NFE2L3: variants seen among roughly 807,000 people sequenced by gnomAD.
NFE2L3 encodes nuclear factor erythroid 2-related factor 3.
Under a neutral mutation model 23.5 loss-of-function variants are expected in NFE2L3, and 18 were observed. The ratio of observed to expected loss-of-function variants is 0.77; its 90% CI spans 0.53 to 1.13. NFE2L3 has a LOEUF of 1.13. Among genes scored for constraint, NFE2L3 ranks in the 50% most tolerant of loss-of-function variants. The pLI, the probability that NFE2L3 is intolerant of heterozygous loss-of-function variation, is 0.00. For missense variants in NFE2L3, 1,152 were observed against 877.2 expected (o/e 1.31, Z -3.96); for synonymous variants, 424 against 354.5 (o/e 1.20, Z -2.20).
In NFE2L3 at chr7:26,185,564, A is replaced by C. The variant is rs752845017; in HGVS notation, c.1866A>C (p.Arg622Ser). 1.9e-6 allele frequency: 3 copies of C among 1,613,720 alleles called. No individual in the cohort carries two copies. Among genetic ancestry groups the C allele is most frequent in the Non-Finnish European group, 2.5e-6 (3 of 1,179,736 alleles). ...NLQAKKETLKREQAQCNKAIN... is the reference protein window; with the variant it reads ...NLQAKKETLKSEQAQCNKAIN... ...AAGCAAAGAAGGAAACTCTTAAGAGAGAGCAAGCACAATGTAACAAAGCTA... is the reference window on the plus strand; with the variant it reads ...AAGCAAAGAAGGAAACTCTTAAGAGCGAGCAAGCACAATGTAACAAAGCTA... The change falls in exon 4 of 4, where the codon AGA becomes AGC. Residue 622 changes from arginine to serine, a missense_variant. Transcript: ENST00000056233.
At position 26,152,473 on chromosome 7, in the gene NFE2L3, G is replaced by A. The variant is rs542719010; in HGVS notation, c.-26G>A. 6.3e-6 allele frequency: 8 copies of A among 1,272,222 alleles called. No individual in the cohort carries two copies. The highest frequency in any genetic ancestry group is 3.8e-5 in the Admixed American group (1 of 26,046). The allele number at this position is 1,272,222 out of a possible 1,614,324, so 78.8% of individuals were successfully genotyped here. A position where few individuals can be genotyped will look rare whatever the true frequency, so the allele number is the denominator to read the frequency against. The stretch of plus-strand genomic sequence containing the variant: ...GCGCCGGGACCCGCGGGCGCCGGCA[G>A]GGGCGTTCCCGGGCGCGCGGCGGCG... On this transcript the variant is annotated 5_prime_UTR_variant, in exon 1 of 4. Coordinates refer to ENST00000056233, the MANE Select transcript of NFE2L3 (RefSeq NM_004289.7). This position sits in a 1 kb window ranked among gnomAD's most constrained non-coding sequence, Gnocchi z 4.4.
chr7:26,158,525 A>G (rs1784121454), intron 1 of NFE2L3, among the ~76,000 whole-genome samples: 1 of 152,224 alleles, frequency 6.6e-6, no homozygotes, highest in Non-Finnish European at 1.5e-5. Context: ...GATCATTTGC[A>G]TAGGACTTGG....
At chr7:26,163,320 A>G (rs929767975) in intron 1 of NFE2L3, among the ~76,000 whole-genome samples, 1 of 152,196 alleles carries the variant, frequency 6.6e-6, no homozygotes, top group African/African-American at 2.4e-5. Flanking sequence ...CAATGCCGTT[A>G]GCACACCTAA....
At position 26,185,282 on chromosome 7, in the gene NFE2L3, T is replaced by C. The variant is rs1007923028; in HGVS notation, c.1584T>C (p.Leu528=). Residue 528 remains leucine (L), a synonymous_variant, in exon 4 of 4, where the codon CTT becomes CTC. Transcript: ENST00000056233. ...GKSQKIRSRY[L]EDTDRNLSRD... ...CACAGAAGATAAGGAGTAGATACCT[T>C]GAAGACACAGATAGAAACTTGAGCC... 1.2e-6 allele frequency: 2 copies of C among 1,614,048 alleles called. No homozygotes were observed. Among genetic ancestry groups the C allele is most frequent in the African/African-American group, 2.7e-5 (2 of 74,938 alleles).
At chr7:26,180,758 G>A (rs1230406504) in intron 2 of NFE2L3, among the ~76,000 whole-genome samples, 1 of 151,968 alleles carries the variant, frequency 6.6e-6, no homozygotes, top group Non-Finnish European at 1.5e-5. Context: ...TTAATGAGGA[G>A]ACAAATGAAG....
At chr7:26,172,602 TCA>T (rs1784342409) in intron 1 of NFE2L3, among the ~76,000 whole-genome samples, 1 of 152,234 alleles carries the variant, frequency 6.6e-6, no homozygotes, top group Non-Finnish European at 1.5e-5. Flanking sequence ...CACTCCTCTC[TCA>T]GTGTTTCTTC....
intron 1 of NFE2L3, among the ~76,000 whole-genome samples, chr7:26,175,543 C>T (rs55813103): frequency 0.038 from 5,663 of 150,574 alleles, 117 homozygotes; most frequent in Middle Eastern, 0.056. Flanking sequence ...TTTGGGAGGC[C>T]GAGGCGGGCG....
chr7:26,178,222 C>T, intron 2 of NFE2L3, 100 bp downstream of exon 2: 3 of 940,852 alleles, frequency 3.2e-6, no homozygotes, highest in South Asian at 1.7e-5. Context: ...AAACAGTATG[C>T]TCTACTATTA....
chr7:26,158,497 C>T (rs1052281076), intron 1 of NFE2L3, among the ~76,000 whole-genome samples: 46 of 152,194 alleles, frequency 3.0e-4, no homozygotes, highest in African/African-American at 9.9e-4. Flanking sequence ...TTTCTGAAAG[C>T]AGCTGGTCTA....
intron 1 of NFE2L3, among the ~76,000 whole-genome samples, chr7:26,175,837 T>A (rs1432634781): frequency 4.7e-5 from 7 of 150,180 alleles, no homozygotes; most frequent in Non-Finnish European, 1.0e-4. Flanking sequence ...ATTAGCTGTT[T>A]GATCAATTTT....
rs151210268 is a variant in NFE2L3 at position 26,184,762 on chromosome 7, C to T, written c.1064C>T (p.Thr355Ile). The change falls in exon 4 of 4, where the codon ACC becomes ATC. Residue 355 changes from threonine to isoleucine, a missense_variant. By Grantham distance (89) the Thr-to-Ile change is moderately conservative. Transcript: ENST00000056233. ...TCTCATACCACCAATCCTGAGCAAA[C>T]CCTTCCTGGAACTAATTTGACAGGA... is the stretch of plus-strand genomic sequence containing the variant. ...LNSHTTNPEQ[T>I]LPGTNLTGFL... 1 of 1,613,894 alleles carries T rather than the reference C, an allele frequency of 6.2e-7. No homozygotes were observed. The highest frequency in any genetic ancestry group is 8.5e-7 in the Non-Finnish European group (1 of 1,179,844).
chr7:26,186,193 T>C lies in NFE2L3; in HGVS notation c.*410T>C, dbSNP rs892055668. 6.4e-6 allele frequency: 1 copy of C among 157,306 alleles called. No individual in the cohort carries two copies. The highest frequency in any genetic ancestry group is 2.4e-5 in the African/African-American group (1 of 41,628). 9.7% of individuals were successfully genotyped at this position (157,306 alleles called of 1,614,324 possible). A position where few individuals can be genotyped will look rare whatever the true frequency, so the allele number is the denominator to read the frequency against. On this transcript the variant is annotated 3_prime_UTR_variant, in exon 4 of 4. Coordinates refer to ENST00000056233, the MANE Select transcript of NFE2L3 (RefSeq NM_004289.7). Reference sequence around the variant, plus strand: ...AAAATAGCCTTATTTTCATTTAGTTTGTTAGCACTATAGTGAGCTTTTCAA... The same window carrying C: ...AAAATAGCCTTATTTTCATTTAGTTCGTTAGCACTATAGTGAGCTTTTCAA...
At chr7:26,173,274 C>A (rs953334795) in intron 1 of NFE2L3, among the ~76,000 whole-genome samples, 2 of 152,132 alleles carry the variant, frequency 1.3e-5, no homozygotes, top group Non-Finnish European at 2.9e-5. Flanking sequence ...ACAAAAAAAG[C>A]CTTCCCAGAC....
chr7:26,159,949 CTTT>C (rs59484170), intron 1 of NFE2L3, among the ~76,000 whole-genome samples: 2 of 118,468 alleles, frequency 1.7e-5, no homozygotes, highest in Admixed American at 8.7e-5. Context: ...AATCTTGTTG[CTTT>C]TTTTTTTTTT....
intron 2 of NFE2L3, among the ~76,000 whole-genome samples, chr7:26,183,236 G>A (rs760425952): frequency 2.6e-5 from 4 of 151,960 alleles, no homozygotes; most frequent in Non-Finnish European, 5.9e-5. Flanking sequence ...TATGCATGTT[G>A]AAATACTGAG....
At chr7:26,155,341 C>G (rs1004502101) in intron 1 of NFE2L3, among the ~76,000 whole-genome samples, 1 of 152,132 alleles carries the variant, frequency 6.6e-6, no homozygotes, top group Non-Finnish European at 1.5e-5. Context: ...ACTCGGGAGG[C>G]TGAGGCACGA....
At chr7:26,154,966 G>A (rs1181432996) in intron 1 of NFE2L3, among the ~76,000 whole-genome samples, 3 of 152,172 alleles carry the variant, frequency 2.0e-5, no homozygotes, top group South Asian at 2.1e-4. Context: ...TCCTGGCAGT[G>A]CCTTCCTGGC....
chr7:26,184,872 A>G lies in NFE2L3; in HGVS notation c.1174A>G (p.Ile392Val), dbSNP rs1562680354. The G allele has an allele frequency of 1.2e-6, 2 of 1,613,954 alleles. No homozygotes were observed. The highest frequency in any genetic ancestry group is 1.1e-5 in the South Asian group (1 of 91,078). The change falls in exon 4 of 4, where the codon ATA (isoleucine) becomes GTA (valine). Residue 392 changes from isoleucine (I) to valine (V), a missense_variant. Ile to Val is a conservative substitution (Grantham distance 29, BLOSUM62 3). Transcript: ENST00000056233. ...YDLDINIFDEINLMSLATEDN... is the reference protein window; with the variant it reads ...YDLDINIFDEVNLMSLATEDN... ...CCTTGACATAAATATATTTGATGAGATAAACTTAATGTCATTGGCCACAGA... is the reference window on the plus strand; with the variant it reads ...CCTTGACATAAATATATTTGATGAGGTAAACTTAATGTCATTGGCCACAGA...
intron 1 of NFE2L3, among the ~76,000 whole-genome samples, chr7:26,159,098 G>C (rs1192118728): frequency 2.0e-5 from 3 of 152,158 alleles, no homozygotes; most frequent in African/African-American, 7.2e-5. Context: ...GCCTCCTCTA[G>C]CTCGCCATTG....
Sources: gnomAD v4.1 joint callset for allele counts (sites outside exome capture counted in the v4.1 genomes callset) on GRCh38, gnomAD v4.1.1 for gene constraint, Gnocchi (gnomAD v3.1) non-coding constraint, MANE v1.5 for transcripts, NCBI Gene and HGNC (gene_info 2026-07-23, HGNC 2026-07-21) for gene names.